Variants in NRG3 observed in about 807,000 individuals in gnomAD.
NRG3 encodes neuregulin 3, also known as pro-neuregulin-3, membrane-bound isoform.
NRG3 carries 31 observed loss-of-function variants against 66.9 expected under a neutral mutation model. The observed-to-expected ratio is 0.46, with a 90% CI of 0.35 to 0.63. The LOEUF (loss-of-function observed/expected upper bound fraction) is 0.63. Ranked by LOEUF, NRG3 falls within the 20% of genes least tolerant of loss-of-function variation. The pLI, the probability that NRG3 is intolerant of heterozygous loss-of-function variation, is 0.00. For synonymous variants in NRG3, 393 were observed against 359.4 expected, an observed-to-expected ratio of 1.09 and a Z score of -1.06; for missense variants, 910 against 878.9, an observed-to-expected ratio of 1.04 and a Z score of -0.45.
At chr10:82,294,190 G>A (rs964695321) in intron 1 of NRG3, among the ~76,000 whole-genome samples, 4 of 152,112 alleles carry the variant, frequency 2.6e-5, no homozygotes, top group African/African-American at 9.7e-5. Flanking sequence ...TGGAAACCAT[G>A]CTTTAAACAT....
intron 3 of NRG3, among the ~76,000 whole-genome samples, chr10:82,830,707 T>G (rs897662373): frequency 3.9e-5 from 6 of 152,126 alleles, no homozygotes; most frequent in African/African-American, 1.4e-4. Flanking sequence ...TGTATTCTGG[T>G]TTGAATGTGC....
intron 1 of NRG3, among the ~76,000 whole-genome samples, chr10:82,188,320 A>C (rs1564644721): frequency 6.6e-6 from 1 of 152,180 alleles, no homozygotes; most frequent in African/African-American, 2.4e-5. Flanking sequence ...AAATGGATTA[A>C]AAAGTTAAAC....
chr10:82,215,944 T>TTC (rs2075643721), intron 1 of NRG3, among the ~76,000 whole-genome samples: 1 of 150,730 alleles, frequency 6.6e-6, no homozygotes, highest in Admixed American at 6.7e-5. Context: ...CGTGGTTTGT[T>TTC]TATATTTTTT....
chr10:82,365,076 A>G (rs1365491095), intron 2 of NRG3, among the ~76,000 whole-genome samples: 2 of 152,234 alleles, frequency 1.3e-5, no homozygotes, highest in Non-Finnish European at 2.9e-5. Context: ...ACGATATAAC[A>G]GGACCATCCC....
chr10:82,365,486 G>C (rs2084462008), intron 2 of NRG3, among the ~76,000 whole-genome samples: 1 of 152,188 alleles, frequency 6.6e-6, no homozygotes, highest in South Asian at 2.1e-4. Context: ...CTTTTGACAA[G>C]AGGAAATGAA....
At chr10:82,767,659 A>C (rs540014621) in intron 3 of NRG3, among the ~76,000 whole-genome samples, 1 of 151,782 alleles carries the variant, frequency 6.6e-6, no homozygotes, top group East Asian at 1.9e-4. Flanking sequence ...GTCTTTGTCC[A>C]TTTCTTTTAT....
At chr10:82,076,215 A>G (rs1475345541) in intron 1 of NRG3, among the ~76,000 whole-genome samples, 11 of 152,174 alleles carry the variant, frequency 7.2e-5, no homozygotes, top group Admixed American at 7.2e-4. Flanking sequence ...GCAGGTCTTA[A>G]GTAAAATGTG....
chr10:82,513,077 C>T (rs1448419373), intron 2 of NRG3, among the ~76,000 whole-genome samples: 1 of 152,184 alleles, frequency 6.6e-6, no homozygotes, highest in East Asian at 1.9e-4. Flanking sequence ...GCCCAGCATG[C>T]ATTAGCTATC....
At chr10:82,483,358 A>G (rs1027169317) in intron 2 of NRG3, among the ~76,000 whole-genome samples, 21 of 152,212 alleles carry the variant, frequency 1.4e-4, no homozygotes, top group African/African-American at 4.8e-4. Flanking sequence ...GGGTCCAGCA[A>G]CTTCTGACTT....
chr10:82,207,709 C>T (rs1367827530), intron 1 of NRG3, among the ~76,000 whole-genome samples: 12 of 152,200 alleles, frequency 7.9e-5, no homozygotes, highest in Middle Eastern at 3.4e-3. Flanking sequence ...AAAGGGGAAG[C>T]GGGCATAGAC....
At chr10:82,680,111 C>T (rs2054006043) in intron 2 of NRG3, among the ~76,000 whole-genome samples, 1 of 152,138 alleles carries the variant, frequency 6.6e-6, no homozygotes, top group Admixed American at 6.5e-5. Flanking sequence ...TATTCTAAGC[C>T]CTTTACTTAT....
intron 2 of NRG3, among the ~76,000 whole-genome samples, chr10:82,585,703 T>C (rs1389244906): frequency 6.6e-6 from 1 of 152,214 alleles, no homozygotes; most frequent in Non-Finnish European, 1.5e-5. Context: ...CTACACTCTC[T>C]AAGCCTCAAT....
At chr10:82,109,451 T>C (rs919240975) in intron 1 of NRG3, among the ~76,000 whole-genome samples, 2 of 152,124 alleles carry the variant, frequency 1.3e-5, no homozygotes, top group Non-Finnish European at 2.9e-5. Context: ...GAAAGCAGAT[T>C]ATTATTCCAA....
chr10:82,378,576 CTT>C (rs1432624684), intron 2 of NRG3, among the ~76,000 whole-genome samples: 1 of 150,964 alleles, frequency 6.6e-6, no homozygotes, highest in Non-Finnish European at 1.5e-5. Context: ...TTTTTCTTTT[CTT>C]TTCTTTCTTT....
At chr10:82,888,386 A>G (rs1338978049) in intron 4 of NRG3, among the ~76,000 whole-genome samples, 4 of 152,208 alleles carry the variant, frequency 2.6e-5, no homozygotes, top group African/African-American at 4.8e-5. Context: ...TTGTTTTAAA[A>G]TTGTGTAAAT....
At chr10:82,926,671 C>T (rs1410697968) in intron 4 of NRG3, among the ~76,000 whole-genome samples, 1 of 152,146 alleles carries the variant, frequency 6.6e-6, no homozygotes, top group Non-Finnish European at 1.5e-5. Context: ...TTGATTACAA[C>T]AAACAAAACA....
At chr10:82,123,199 G>A (rs779838894) in intron 1 of NRG3, among the ~76,000 whole-genome samples, 1 of 152,044 alleles carries the variant, frequency 6.6e-6, no homozygotes, top group Non-Finnish European at 1.5e-5. Flanking sequence ...TAATTGAAAG[G>A]CATATTACTA....
chr10:82,211,357 G>T (rs766379848), intron 1 of NRG3, among the ~76,000 whole-genome samples: 1 of 152,136 alleles, frequency 6.6e-6, no homozygotes, highest in Non-Finnish European at 1.5e-5. Flanking sequence ...TCTTTAAAGA[G>T]TTAAAGAAAC....
At chr10:82,958,102 T>A (rs1237536235) in intron 5 of NRG3, among the ~76,000 whole-genome samples, 1 of 152,196 alleles carries the variant, frequency 6.6e-6, no homozygotes. Context: ...TCCAGAACCC[T>A]ACAGCAGTTT....
Sources: gnomAD v4.1 joint callset for allele counts (sites outside exome capture counted in the v4.1 genomes callset) on GRCh38, gnomAD v4.1.1 for gene constraint, MANE v1.5 for transcripts, NCBI Gene and HGNC (gene_info 2026-07-23, HGNC 2026-07-21) for gene names.